Variants in PCLAF observed in about 807,000 individuals in gnomAD.
PCLAF encodes the protein PCNA-associated factor.
In PCLAF, 12 loss-of-function variants were observed where a neutral mutation model predicts 15.1. The ratio of observed to expected loss-of-function variants is 0.79; its 90% CI spans 0.51 to 1.29. PCLAF has a LOEUF of 1.29. PCLAF is among the 50% of genes most tolerant of loss of function. PCLAF has a pLI of 0.00. For missense variants in PCLAF, 116 were observed against 130.9 expected, an observed-to-expected ratio of 0.89 and a Z score of 0.56; for synonymous variants, 33 against 47.1, an observed-to-expected ratio of 0.70 and a Z score of 1.22.
intron 1 of PCLAF, among the ~76,000 whole-genome samples, chr15:64,387,063 C>T (rs1428033253): frequency 2.0e-5 from 3 of 151,842 alleles, no homozygotes; most frequent in Non-Finnish European, 4.4e-5. Flanking sequence ...TGTTTTTTAC[C>T]CTCGAGCTTG....
intron 3 of PCLAF, among the ~76,000 whole-genome samples, chr15:64,372,494 G>A (rs1371137108): frequency 1.3e-5 from 2 of 151,934 alleles, no homozygotes; most frequent in Non-Finnish European, 1.5e-5. Context: ...TGCGCCTGTA[G>A]TCCCAGCTGC....
At chr15:64,370,829 GTTTTTTTTTTTTT>G (rs10607183) in intron 3 of PCLAF, among the ~76,000 whole-genome samples, 1 of 85,792 alleles carries the variant, frequency 1.2e-5, no homozygotes, top group Non-Finnish European at 2.3e-5. Flanking sequence ...TCATAAAGTT[GTTTTTTTTTTTTT>G]TTTTTTTTTT....
chr15:64,384,708 C>T (rs1177477877), upstream of PCLAF, among the ~76,000 whole-genome samples: 2 of 147,868 alleles, frequency 1.4e-5, no homozygotes, highest in Non-Finnish European at 3.0e-5. Context: ...TGCCATTGCA[C>T]TCCAGCCTGG....
chr15:64,367,306 C>T (rs1899078209), intron 3 of PCLAF, among the ~76,000 whole-genome samples: 1 of 151,922 alleles, frequency 6.6e-6, no homozygotes, highest in Non-Finnish European at 1.5e-5. Context: ...AAGTTCGAGA[C>T]CAGCCTGGCC....
intron 3 of PCLAF, among the ~76,000 whole-genome samples, chr15:64,375,741 A>G (rs1899582148): frequency 6.6e-6 from 1 of 152,176 alleles, no homozygotes; most frequent in South Asian, 2.1e-4. Flanking sequence ...TTTAAGGGAC[A>G]GGATTAATGG....
At chr15:64,386,777 T>C (rs1397146675) in intron 1 of PCLAF, among the ~76,000 whole-genome samples, 1 of 152,132 alleles carries the variant, frequency 6.6e-6, no homozygotes, top group East Asian at 1.9e-4. Flanking sequence ...TTTATGCCAA[T>C]GAAAACACTA....
At chr15:64,381,611 C>A, upstream of PCLAF, 2 of 1,224,754 alleles carry the variant, frequency 1.6e-6, no homozygotes, top group South Asian at 1.6e-5. Flanking sequence ...TCCATCAACA[C>A]GCAAAGGCCT....
chr15:64,377,411 G>A (rs1421607929), intron 2 of PCLAF, among the ~76,000 whole-genome samples: 1 of 138,898 alleles, frequency 7.2e-6, no homozygotes, highest in East Asian at 2.2e-4. Context: ...AGGTTGCAGT[G>A]AGCCAAGATT....
chr15:64,376,930 T>G, intron 2 of PCLAF, 25 bp from the exon 3 acceptor site: 1 of 1,596,144 alleles, frequency 6.3e-7, no homozygotes, highest in Non-Finnish European at 8.6e-7. Context: ...CAGATGGAAC[T>G]AGATAAGTGC....
upstream of PCLAF, among the ~76,000 whole-genome samples, chr15:64,383,611 C>T (rs1461413558): frequency 6.6e-6 from 1 of 152,114 alleles, no homozygotes; most frequent in Non-Finnish European, 1.5e-5. Context: ...AAGTGATCTG[C>T]CTGCCTCAGC....
At position 64,364,406 on chromosome 15, in the gene PCLAF, G is replaced by A. The variant is rs186556114; in HGVS notation, c.*1624C>T. The stretch of plus-strand genomic sequence containing the variant: ...TTGACAACAGGCTGCTGCAAAAAGG[G>A]TGATGAGGAATATTATACCCACTTC... On this transcript the variant is annotated 3_prime_UTR_variant, in exon 4 of 4. Transcript: ENST00000300035. 1.3e-5 allele frequency: 2 copies of A among 152,248 alleles called. No homozygotes were observed. Among genetic ancestry groups the A allele is most frequent in the Non-Finnish European group, 2.9e-5 (2 of 68,018 alleles). The allele number at this position is 152,248 out of a possible 1,614,324, so 9.4% of individuals were successfully genotyped here.
At chr15:64,383,959 G>A (rs922136890), upstream of PCLAF, among the ~76,000 whole-genome samples, 1 of 151,822 alleles carries the variant, frequency 6.6e-6, no homozygotes, top group Non-Finnish European at 1.5e-5. Flanking sequence ...AAAAAGTGCT[G>A]ATGCCTAGTA....
rs140483201 is a variant in PCLAF, at chr15:64,364,850, C to T, written c.*1180G>A. On this transcript the variant is annotated 3_prime_UTR_variant, in exon 4 of 4. Transcript: ENST00000300035. ...TACAGGCATGTGCCACCATGCCTGG[C>T]TCATTTTTTCATTTTTAGTAGTGAC... The T allele has an allele frequency of 6.6e-6, 1 of 151,570 alleles. No individual in the cohort carries two copies. Among genetic ancestry groups the T allele is most frequent in the Non-Finnish European group, 1.5e-5 (1 of 67,950 alleles). The allele number at this position is 151,570 out of a possible 1,614,324, so 9.4% of individuals were successfully genotyped here.
intron 3 of PCLAF, among the ~76,000 whole-genome samples, chr15:64,372,346 G>A (rs917569946): frequency 6.6e-6 from 1 of 152,196 alleles, no homozygotes; most frequent in African/African-American, 2.4e-5. Context: ...TGGGTGCGAT[G>A]GCTCACACCT....
chr15:64,367,610 C>T (rs550472217), intron 3 of PCLAF, among the ~76,000 whole-genome samples: 3 of 151,838 alleles, frequency 2.0e-5, no homozygotes, highest in East Asian at 2.0e-4. Context: ...TGCAGTGGTG[C>T]GATCTCAGCT....
At chr15:64,381,215 G>C (rs1566967817) in intron 1 of PCLAF, 111 bp downstream of exon 1, 1 of 1,367,384 alleles carries the variant, frequency 7.3e-7, no homozygotes, top group East Asian at 2.3e-5. Flanking sequence ...TCCCTGGCTA[G>C]CTAGATGAGT....
rs1297452570 is a variant in PCLAF at position 64,377,487 on chromosome 15, AAATATATATATATATATATATATAT to A, written c.128-607_128-583del. Reference sequence around the variant, plus strand: ...CTCTGTCTCAAAAAAAAAAAAAAAAAAATATATATATATATATATATATATATATATATATATATATATATATATA... The same window carrying A: ...CTCTGTCTCAAAAAAAAAAAAAAAAAATATATATATATATATATATATATA... On this transcript the variant is annotated intron_variant, in intron 2 of 3. Transcript: ENST00000300035. 1.0e-4 allele frequency among the ~76,000 whole-genome samples: 4 copies of A among 39,728 alleles called. 1 individual carries two copies. The highest frequency in any genetic ancestry group is 2.0e-4 in the Non-Finnish European group (4 of 19,782). 26.1% of individuals were successfully genotyped at this position (39,728 alleles called of 152,430 possible). A position where few individuals can be genotyped will look rare whatever the true frequency, so the allele number is the denominator to read the frequency against.
chr15:64,370,390 C>T (rs1311657784), intron 3 of PCLAF, among the ~76,000 whole-genome samples: 1 of 149,102 alleles, frequency 6.7e-6, no homozygotes, highest in African/African-American at 2.5e-5. Flanking sequence ...TTTTTTCAGA[C>T]GGATTATCGC....
At chr15:64,367,563 T>G (rs1403132934) in intron 3 of PCLAF, among the ~76,000 whole-genome samples, 1 of 152,160 alleles carries the variant, frequency 6.6e-6, no homozygotes, top group Admixed American at 6.5e-5. Flanking sequence ...ATAGTTTTTT[T>G]TTTGAGACGG....
Sources: gnomAD v4.1 joint callset for allele counts (sites outside exome capture counted in the v4.1 genomes callset) on GRCh38, gnomAD v4.1.1 for gene constraint, MANE v1.5 for transcripts, NCBI Gene and HGNC (gene_info 2026-07-23, HGNC 2026-07-21) for gene names.